Variants in GRIA4 observed in about 807,000 individuals in gnomAD.
GRIA4 encodes the protein glutamate ionotropic receptor AMPA type subunit 4.
Under a neutral mutation model 104.0 loss-of-function variants are expected in GRIA4, and 34 were observed. The observed-to-expected ratio is 0.33, with a 90% CI of 0.25 to 0.44. The LOEUF is 0.44. Ranked by LOEUF, GRIA4 falls within the 20% of genes least tolerant of loss-of-function variation. The probability of loss-of-function intolerance (pLI) is 1.00; values close to 1 mark genes in which losing one functional copy is unlikely to be tolerated. For synonymous variants in GRIA4, 386 were observed against 381.9 expected (o/e 1.01, Z -0.13); for missense variants, 750 against 1,096.5 (o/e 0.68, Z 4.46).
At chr11:105,790,908 T>C (rs894282445) in intron 4 of GRIA4, among the ~76,000 whole-genome samples, 1 of 152,196 alleles carries the variant, frequency 6.6e-6, no homozygotes, top group South Asian at 2.1e-4. Context: ...TTTGCTGCCC[T>C]GAAGAACCTT....
At chr11:105,839,964 A>AAGCCT (rs1944335776) in intron 4 of GRIA4, among the ~76,000 whole-genome samples, 2 of 152,294 alleles carry the variant, frequency 1.3e-5, no homozygotes, top group African/African-American at 4.8e-5. Flanking sequence ...AAGTAGGCTT[A>AAGCCT]AGCCTACCTT....
intron 3 of GRIA4, among the ~76,000 whole-genome samples, chr11:105,750,169 T>C (rs1198013755): frequency 6.6e-6 from 1 of 152,098 alleles, no homozygotes; most frequent in Non-Finnish European, 1.5e-5. Context: ...TATAATACTA[T>C]ATATGGAAAT....
At chr11:105,614,529 AG>A (rs1424080259) in intron 3 of GRIA4, 2 of 152,048 alleles carry the variant, frequency 1.3e-5, no homozygotes, top group African/African-American at 4.8e-5. Context: ...TTAACATATA[AG>A]GATTGAGAAA....
chr11:105,892,584 G>A (rs1358392821), intron 6 of GRIA4, among the ~76,000 whole-genome samples: 2 of 152,100 alleles, frequency 1.3e-5, no homozygotes, highest in South Asian at 2.1e-4. Context: ...TTTCAGAATG[G>A]AGAGTAGACA....
intron 5 of GRIA4, among the ~76,000 whole-genome samples, chr11:105,876,818 G>T (rs1945844163): frequency 6.6e-6 from 1 of 152,118 alleles, no homozygotes; most frequent in Non-Finnish European, 1.5e-5. Flanking sequence ...CTTTGCACAT[G>T]AGATGGGTCG....
In GRIA4 at chr11:105,888,271, C is replaced by CTTTTTTTTT. The variant is rs71469040; in HGVS notation, c.726+721_726+729dup. Among the ~76,000 whole-genome samples the CTTTTTTTTT allele has an allele frequency of 5.9e-3, 320 of 54,570 alleles. 87 individuals carry two copies. Among genetic ancestry groups the CTTTTTTTTT allele is most frequent in the African/African-American group, 0.012 (147 of 12,526 alleles). 35.8% of individuals were successfully genotyped at this position (54,570 alleles called of 152,430 possible). ...TTGGAGAAGTTAAGGATGTTTTCTC[C>CTTTTTTTTT]TTTTTTTTTTTTTTTTTTTTTTTTT... On this transcript the variant is annotated intron_variant, in intron 6 of 16. Transcript: ENST00000282499.
chr11:105,898,355 G>A lies in GRIA4; in HGVS notation c.813G>A (p.Met271Ile). 6.3e-7 allele frequency: 1 copy of A among 1,580,366 alleles called. No homozygotes were observed. The highest frequency in any genetic ancestry group is 1.1e-5 in the South Asian group (1 of 90,338). ...AGTTGGTGGATTTTAATACACCTAT[G>A]GTAATCAAACTAATGGATCGCTGGA... ...GFQLVDFNTP[M>I]VIKLMDRWKK... Residue 271 changes from methionine to isoleucine, a missense_variant, in exon 7 of 17, where the codon ATG becomes ATA. Transcript: ENST00000282499.
intron 3 of GRIA4, among the ~76,000 whole-genome samples, chr11:105,710,753 G>A (rs939023724): frequency 6.6e-6 from 1 of 152,118 alleles, no homozygotes; most frequent in Non-Finnish European, 1.5e-5. Flanking sequence ...GTAAAAGGGA[G>A]TCAAAGACTT....
At chr11:105,874,826 G>A (rs938386274) in intron 5 of GRIA4, among the ~76,000 whole-genome samples, 2 of 152,026 alleles carry the variant, frequency 1.3e-5, no homozygotes, top group Non-Finnish European at 2.9e-5. Context: ...GAGAAGATGG[G>A]GTTTTCTAAA....
At chr11:105,777,802 ACT>A (rs1355466651) in intron 4 of GRIA4, among the ~76,000 whole-genome samples, 2 of 152,146 alleles carry the variant, frequency 1.3e-5, no homozygotes, top group African/African-American at 4.8e-5. Context: ...CAAAAAAATC[ACT>A]TTTTATAATT....
intron 4 of GRIA4, among the ~76,000 whole-genome samples, chr11:105,819,545 G>T (rs2135897340): frequency 6.6e-6 from 1 of 152,140 alleles, no homozygotes; most frequent in South Asian, 2.1e-4. Flanking sequence ...TTCAGTTAAA[G>T]AATACTTATA....
At chr11:105,684,067 T>G (rs1952793926) in intron 3 of GRIA4, among the ~76,000 whole-genome samples, 1 of 151,920 alleles carries the variant, frequency 6.6e-6, no homozygotes. Context: ...AGAGATGAGG[T>G]TTCTCCATGT....
intron 14 of GRIA4, among the ~76,000 whole-genome samples, chr11:105,958,142 C>T (rs534960952): frequency 2.2e-4 from 34 of 152,288 alleles, no homozygotes; most frequent in Admixed American, 7.8e-4. Context: ...GAACTTCCAA[C>T]ACTATGTTGA....
chr11:105,685,676 G>A lies in GRIA4; in HGVS notation c.248-67305G>A, dbSNP rs140718905. ...AGGTGAATTAGTTTGGATACAGAAT[G>A]GAAGTAGGATGGAGGACATTCTATG... is the stretch of plus-strand genomic sequence containing the variant. On this transcript the variant is annotated intron_variant, in intron 3 of 16. Transcript: ENST00000282499. Among the ~76,000 whole-genome samples the A allele has an allele frequency of 4.8e-3, 732 of 152,280 alleles. 5 individuals are homozygous for A. The highest frequency in any genetic ancestry group is 0.017 in the African/African-American group (690 of 41,554).
chr11:105,864,359 C>G (rs1328919622), intron 5 of GRIA4, among the ~76,000 whole-genome samples: 2 of 152,160 alleles, frequency 1.3e-5, no homozygotes, highest in Admixed American at 6.6e-5. Context: ...GTACGTGTAT[C>G]TTAAGACCCC....
At chr11:105,906,495 A>G (rs1185874910) in intron 9 of GRIA4, among the ~76,000 whole-genome samples, 1 of 152,136 alleles carries the variant, frequency 6.6e-6, no homozygotes, top group East Asian at 1.9e-4. Context: ...ATTAAAGTTA[A>G]GGTGATATAT....
chr11:105,756,648 A>T (rs1940327677), intron 4 of GRIA4, among the ~76,000 whole-genome samples: 1 of 151,782 alleles, frequency 6.6e-6, no homozygotes, highest in East Asian at 1.9e-4. Context: ...TTATGTCCTA[A>T]CCAACGCCCC....
intron 4 of GRIA4, among the ~76,000 whole-genome samples, chr11:105,780,623 A>C (rs1337552034): frequency 6.6e-6 from 1 of 152,186 alleles, no homozygotes; most frequent in Non-Finnish European, 1.5e-5. Flanking sequence ...AAAGAAAAAA[A>C]TTATTATTGC....
At chr11:105,764,058 A>C (rs1035644634) in intron 4 of GRIA4, among the ~76,000 whole-genome samples, 1 of 152,236 alleles carries the variant, frequency 6.6e-6, no homozygotes, top group African/African-American at 2.4e-5. Flanking sequence ...ATAGAATCTG[A>C]AAGTAACACT....
Sources: allele counts gnomAD v4.1 joint callset (sites outside exome capture counted in the v4.1 genomes callset), GRCh38; gene constraint gnomAD v4.1.1; transcripts MANE v1.5; gene names NCBI Gene and HGNC (gene_info 2026-07-23, HGNC 2026-07-21).